EBF3: variants seen among roughly 807,000 people sequenced by gnomAD.
EBF3 encodes the protein EBF transcription factor 3.
EBF3 carries 18 observed loss-of-function variants against 77.1 expected under a neutral mutation model. The observed-to-expected ratio is 0.23, with a 90% CI of 0.16 to 0.35. The LOEUF (loss-of-function observed/expected upper bound fraction) is 0.35. EBF3 is among the 10% of genes least tolerant of loss of function. EBF3 has a pLI of 1.00. For missense variants in EBF3, 558 were observed against 860.0 expected (o/e 0.65, Z 4.39); for synonymous variants, 350 against 343.5 (o/e 1.02, Z -0.21).
chr10:129,871,330 T>C (rs922808878), intron 8 of EBF3, among the ~76,000 whole-genome samples: 4 of 152,196 alleles, frequency 2.6e-5, no homozygotes. Context: ...TTCAATACTG[T>C]AAATAATCTG....
At position 129,935,586 on chromosome 10, in the gene EBF3, C is replaced by T. The variant is rs1202798031; in HGVS notation, c.554+21672G>A. ...CATGGGGTTAGATACATGCACCCCA[C>T]AAGGCTGGCGGGCAGCAGGCGGTGC... On this transcript the variant is annotated intron_variant, in intron 6 of 16. Coordinates refer to ENST00000440978, the MANE Select transcript of EBF3 (RefSeq NM_001375380.1). The surrounding 1 kb of genome is among the most constrained non-coding windows in gnomAD (Gnocchi z 4.2). Among the ~76,000 whole-genome samples the T allele has an allele frequency of 6.6e-6, 1 of 152,210 alleles. No homozygotes were observed. Among genetic ancestry groups the T allele is most frequent in the East Asian group, 1.9e-4 (1 of 5,182 alleles).
At chr10:129,855,693 C>G (rs552560791) in intron 10 of EBF3, among the ~76,000 whole-genome samples, 1 of 152,246 alleles carries the variant, frequency 6.6e-6, no homozygotes, top group Admixed American at 6.5e-5. Context: ...GGAAGAGACA[C>G]CACCCAGTAA....
At chr10:129,913,678 A>T (rs1589844784) in intron 6 of EBF3, among the ~76,000 whole-genome samples, 1 of 152,344 alleles carries the variant, frequency 6.6e-6, no homozygotes, top group East Asian at 1.9e-4. Context: ...GGGAGGTGCT[A>T]CGAATGCTAG....
At chr10:129,866,209 C>A (rs1852003306) in intron 10 of EBF3, among the ~76,000 whole-genome samples, 2 of 152,120 alleles carry the variant, frequency 1.3e-5, no homozygotes, top group Admixed American at 6.5e-5. Context: ...GCAGCCTTGA[C>A]CTCCCGGGCT....
At chr10:129,939,589 G>A (rs1021927087) in intron 6 of EBF3, among the ~76,000 whole-genome samples, 1 of 152,166 alleles carries the variant, frequency 6.6e-6, no homozygotes, top group African/African-American at 2.4e-5. Flanking sequence ...AAATTCAAAC[G>A]ACAGCTGCCC....
At position 129,938,698 on chromosome 10, in the gene EBF3, A is replaced by G. The variant is rs11017020; in HGVS notation, c.554+18560T>C. ...TGTCCACGAGAAAGGTGCGGCTGCA[A>G]CCGACGAGCACTGCCTTGTGTCCTG... On this transcript the variant is annotated intron_variant, in intron 6 of 16. Coordinates refer to ENST00000440978, the MANE Select transcript of EBF3 (RefSeq NM_001375380.1). The surrounding 1 kb of genome is among the most constrained non-coding windows in gnomAD (Gnocchi z 5.1). Among the ~76,000 whole-genome samples, 124,423 of 152,270 alleles carry G rather than the reference A, an allele frequency of 0.82. 51,356 individuals are homozygous for G. Among genetic ancestry groups the G allele is most frequent in the East Asian group, 0.96 (4,944 of 5,172 alleles).
chr10:129,953,592 G>A (rs1218526961), intron 6 of EBF3, among the ~76,000 whole-genome samples: 3 of 152,198 alleles, frequency 2.0e-5, no homozygotes, highest in Non-Finnish European at 4.4e-5. Context: ...GTGGGACGCC[G>A]GAGACGGTGC....
Position 129,963,564 on chromosome 10 carries a change from C to T in EBF3, c.135-41G>A, listed in dbSNP as rs1444146704. ...GACAGCGGCCCGGTGAGGAGCGCGG[C>T]GCCGGCCGGCGGAGGGGGCCGGGCC... On this transcript the variant is annotated intron_variant, in intron 1 of 16. Coordinates refer to ENST00000440978, the MANE Select transcript of EBF3 (RefSeq NM_001375380.1). The surrounding 1 kb of genome is among the most constrained non-coding windows in gnomAD (Gnocchi z 7.1). 24 of 1,310,992 alleles carry T rather than the reference C, an allele frequency of 1.8e-5. No homozygotes were observed. The highest frequency in any genetic ancestry group is 2.2e-5 in the Non-Finnish European group (23 of 1,022,340). The allele number at this position is 1,310,992 out of a possible 1,614,324, so 81.2% of individuals were successfully genotyped here.
chr10:129,867,066 G>C, intron 10 of EBF3, 75 bp downstream of exon 10: 1 of 1,543,090 alleles, frequency 6.5e-7, no homozygotes. Context: ...CAGTCCTCCC[G>C]TGCCCTCATG....
chr10:129,867,770 C>A lies in EBF3; in HGVS notation c.912+12G>T, dbSNP rs758887778. 6.2e-7 allele frequency: 1 copy of A among 1,604,220 alleles called. No homozygotes were observed. The highest frequency in any genetic ancestry group is 8.5e-7 in the Non-Finnish European group (1 of 1,175,370). On this transcript the variant is annotated intron_variant, in intron 9 of 16. Coordinates refer to ENST00000440978, the MANE Select transcript of EBF3 (RefSeq NM_001375380.1). ...AGCAACAGCGCGAAGCTGACCGAGT[C>A]CGCGGGCTTACCTCGCTCCACACCA... is the stretch of plus-strand genomic sequence containing the variant.
chr10:129,935,174 T>G lies in EBF3; in HGVS notation c.554+22084A>C, dbSNP rs985621062. Among the ~76,000 whole-genome samples, 1 of 152,176 alleles carries G rather than the reference T, an allele frequency of 6.6e-6. No homozygotes were observed. The highest frequency in any genetic ancestry group is 1.9e-4 in the East Asian group (1 of 5,146). The stretch of plus-strand genomic sequence containing the variant: ...TTTTCCTGTCTCCACTCCAGCCAAA[T>G]GTAGCCACATTGTGAGCTGCTTCTC... On this transcript the variant is annotated intron_variant, in intron 6 of 16. Transcript: ENST00000440978. This position sits in a 1 kb window ranked among gnomAD's most constrained non-coding sequence, Gnocchi z 4.2.
rs1035601615 is a variant in EBF3 at position 129,863,271 on chromosome 10, C to T, written c.1039+3870G>A. 7.9e-5 allele frequency among the ~76,000 whole-genome samples: 12 copies of T among 152,196 alleles called. No individual in the cohort carries two copies. Among genetic ancestry groups the T allele is most frequent in the African/African-American group, 2.4e-4 (10 of 41,448 alleles). ...GAAGCGCTGGACATGTCATTTGTGA[C>T]TCATTCTTTTAATTCACCGTGCTAA... On this transcript the variant is annotated intron_variant, in intron 10 of 16. Coordinates refer to ENST00000440978, the MANE Select transcript of EBF3 (RefSeq NM_001375380.1). This position sits in a 1 kb window ranked among gnomAD's most constrained non-coding sequence, Gnocchi z 4.0.
intron 6 of EBF3, among the ~76,000 whole-genome samples, chr10:129,901,970 C>T (rs971815587): frequency 2.6e-4 from 39 of 152,306 alleles, no homozygotes; most frequent in Non-Finnish European, 1.6e-4. Context: ...GTCTTTACAG[C>T]GTCTACCTGT....
rs1283082617 is a variant in EBF3 at position 129,836,427 on chromosome 10, G to A, written c.*1516C>T. The A allele has an allele frequency of 2.0e-5, 3 of 152,472 alleles. No homozygotes were observed. The highest frequency in any genetic ancestry group is 2.9e-5 in the Non-Finnish European group (2 of 68,012). 9.4% of individuals were successfully genotyped at this position (152,472 alleles called of 1,614,324 possible). ...ATAAAATAAGGACACAGCCCCAAAC[G>A]GTGTCACCTCTTCGCGGCCGCTCCA... On this transcript the variant is annotated 3_prime_UTR_variant, in exon 17 of 17. Transcript: ENST00000440978.
At chr10:129,907,648 A>G (rs984442258) in intron 6 of EBF3, among the ~76,000 whole-genome samples, 1 of 152,246 alleles carries the variant, frequency 6.6e-6, no homozygotes, top group African/African-American at 2.4e-5. Flanking sequence ...GGTTGAATAA[A>G]TAACAGCGAA....
chr10:129,963,150 G>T lies in EBF3; in HGVS notation c.292-145C>A. The T allele has an allele frequency of 1.6e-6, 2 of 1,231,866 alleles. No individual in the cohort carries two copies. Among genetic ancestry groups the T allele is most frequent in the Non-Finnish European group, 2.3e-6 (2 of 858,292 alleles). The allele number at this position is 1,231,866 out of a possible 1,614,324, so 76.3% of individuals were successfully genotyped here. On this transcript the variant is annotated intron_variant, in intron 2 of 16. Transcript: ENST00000440978. The surrounding 1 kb of genome is among the most constrained non-coding windows in gnomAD (Gnocchi z 7.1). ...AGCAGCGCGGTGATGTCACTTTCCTGCTGGAAGCCCAGCGTTCTCCTCGCC... is the reference window on the plus strand; with the variant it reads ...AGCAGCGCGGTGATGTCACTTTCCTTCTGGAAGCCCAGCGTTCTCCTCGCC...
chr10:129,842,258 C>T lies in EBF3; in HGVS notation c.1230G>A (p.Glu410=), dbSNP rs200137158. 8.1e-6 allele frequency: 13 copies of T among 1,610,636 alleles called. No individual in the cohort carries two copies. The East Asian group carries it at 2.7e-4, about 33-fold the overall frequency. Residue 410 remains glutamate, a synonymous_variant, in exon 13 of 17, where the codon GAG becomes GAA. Transcript: ENST00000440978. This position sits in a 1 kb window ranked among gnomAD's most constrained non-coding sequence, Gnocchi z 4.4. The part of the protein sequence containing the change: ...IILKRAADIA[E]ALYSVPRNHN... ...GATTGCGGGGAACGCTGTACAGCGC[C>T]TCGGCGATGTCCGCCGCTCGCTTCA...
intron 6 of EBF3, among the ~76,000 whole-genome samples, chr10:129,929,926 G>A (rs1306935810): frequency 1.3e-5 from 2 of 152,148 alleles, no homozygotes; most frequent in African/African-American, 2.4e-5. Context: ...AGGAGCTTGG[G>A]GTGTGAGTCG....
At chr10:129,902,586 C>T (rs549474563) in intron 6 of EBF3, among the ~76,000 whole-genome samples, 49 of 152,206 alleles carry the variant, frequency 3.2e-4, no homozygotes, top group African/African-American at 1.0e-3. Flanking sequence ...CAGTGTTTTG[C>T]GTTTTTCAGT....
Sources: gnomAD v4.1 joint callset for allele counts (sites outside exome capture counted in the v4.1 genomes callset) on GRCh38, gnomAD v4.1.1 for gene constraint, Gnocchi (gnomAD v3.1) non-coding constraint, MANE v1.5 for transcripts, NCBI Gene and HGNC (gene_info 2026-07-23, HGNC 2026-07-21) for gene names.